RASA3: variants seen among roughly 807,000 people sequenced by gnomAD.
The protein encoded by RASA3 is RAS p21 protein activator 3.
RASA3 carries 73 observed loss-of-function variants against 110.0 expected under a neutral mutation model. The ratio of observed to expected loss-of-function variants is 0.66; its 90% confidence interval spans 0.55 to 0.81. The LOEUF is 0.81. Among genes scored for constraint, RASA3 ranks in the 30% least tolerant of loss-of-function variants. The pLI is 0.00. For missense variants in RASA3, 976 were observed against 1,113.2 expected (o/e 0.88, Z 1.75); for synonymous variants, 500 against 451.4 (o/e 1.11, Z -1.37).
intron 2 of RASA3, among the ~76,000 whole-genome samples, chr13:114,073,383 G>A (rs79345508): frequency 6.8e-6 from 1 of 147,028 alleles, no homozygotes; most frequent in Non-Finnish European, 1.5e-5. Flanking sequence ...TTCCCTACAC[G>A]CGGGAAAATG....
In RASA3 at chr13:114,082,227, G is replaced by A. The variant is rs534257750; in HGVS notation, c.56-8390C>T. Among the ~76,000 whole-genome samples the A allele has an allele frequency of 1.5e-4, 23 of 152,334 alleles. No individual in the cohort carries two copies. In the East Asian group the frequency reaches 3.1e-3, roughly 20 times the overall value. On this transcript the variant is annotated intron_variant, in intron 1 of 23. Transcript: ENST00000334062. Reference sequence around the variant, plus strand: ...CAGGGGCAGGCAGGAGGCCAGAGACGTCCACGTCTGAGACAAAGGACATCA... The same window carrying A: ...CAGGGGCAGGCAGGAGGCCAGAGACATCCACGTCTGAGACAAAGGACATCA...
Position 114,018,751 on chromosome 13 carries a change from G to A in RASA3, c.942+12C>T, listed in dbSNP as rs753899156. 117 of 1,612,510 alleles carry A rather than the reference G, an allele frequency of 7.3e-5. No individual in the cohort carries two copies. The highest frequency in any genetic ancestry group is 1.2e-4 in the Admixed American group (7 of 59,976). On this transcript the variant is annotated intron_variant, in intron 10 of 23. Transcript: ENST00000334062. The stretch of plus-strand genomic sequence containing the variant: ...CCTGCCCACACCCACAGGCCACGGC[G>A]TGGACAAGCACCTCCACATCCGCAG...
At position 114,108,255 on chromosome 13, in the gene RASA3, CTG is replaced by C. The variant is rs1257816868; in HGVS notation, c.55+24178_55+24179del. ...CGTCTGTCACCCCATGTCTGTCACC[CTG>C]CATCCGTCACCCCGTGTCTGTCATC... On this transcript the variant is annotated intron_variant, in intron 1 of 23. Transcript: ENST00000334062. Among the ~76,000 whole-genome samples the C allele has an allele frequency of 2.3e-4, 32 of 140,142 alleles. No individual in the cohort carries two copies. The South Asian group carries it at 6.9e-3, about 30-fold the overall frequency. 91.9% of individuals were successfully genotyped at this position (140,142 alleles called of 152,430 possible).
At chr13:114,098,532 G>A (rs1006259600) in intron 1 of RASA3, among the ~76,000 whole-genome samples, 1 of 152,170 alleles carries the variant, frequency 6.6e-6, no homozygotes, top group Admixed American at 6.5e-5. Context: ...GCAGCCCTGA[G>A]ACCTGGTGGG....
rs34196304 is a variant in RASA3, at chr13:114,083,619, G to C, written c.56-9782C>G. Among the ~76,000 whole-genome samples, 411 of 95,156 alleles carry C rather than the reference G, an allele frequency of 4.3e-3. 9 individuals are homozygous for C. Among genetic ancestry groups the C allele is most frequent in the Admixed American group, 0.034 (301 of 8,808 alleles). 62.4% of individuals were successfully genotyped at this position (95,156 alleles called of 152,430 possible). On this transcript the variant is annotated intron_variant, in intron 1 of 23. Transcript: ENST00000334062. ...CTCGCGGGGAAATCACGGGGAAGTG[G>C]TGAGTCTGGAGTATCGACTCCCTTC...
chr13:114,057,611 C>T lies in RASA3; in HGVS notation c.174-5456G>A. The stretch of plus-strand genomic sequence containing the variant: ...CACAATGACTGTGCACAGAGCCAGC[C>T]TGACACCCAAGGCCACGATGCCATA... On this transcript the variant is annotated intron_variant, in intron 2 of 23. Transcript: ENST00000334062. This position sits in a 1 kb window ranked among gnomAD's most constrained non-coding sequence, Gnocchi z 5.0. The T allele has an allele frequency of 1.3e-6, 1 of 756,568 alleles. No homozygotes were observed. The allele number at this position is 756,568 out of a possible 1,614,324, so 46.9% of individuals were successfully genotyped here.
At chr13:114,009,282 G>T in intron 17 of RASA3, 105 bp downstream of exon 17, 3 of 938,338 alleles carry the variant, frequency 3.2e-6, no homozygotes, top group Non-Finnish European at 5.1e-6. Flanking sequence ...GTTTAAAATC[G>T]CTAATGGCCA....
chr13:114,059,315 G>A (rs1378970901), intron 2 of RASA3, among the ~76,000 whole-genome samples: 1 of 152,236 alleles, frequency 6.6e-6, no homozygotes, highest in Admixed American at 6.5e-5. Context: ...GCCCTGGTAA[G>A]CTTCACAAGG....
intron 23 of RASA3, 67 bp from the exon 24 acceptor site, chr13:113,979,489 G>A (rs1209509982): frequency 1.1e-5 from 15 of 1,318,192 alleles, no homozygotes; most frequent in South Asian, 7.0e-5. Flanking sequence ...CCGTGGCTGC[G>A]GGAGCTTTTC....
At chr13:114,094,055 C>T (rs559827454) in intron 1 of RASA3, among the ~76,000 whole-genome samples, 24 of 152,242 alleles carry the variant, frequency 1.6e-4, no homozygotes, top group Admixed American at 4.6e-4. Flanking sequence ...GCCCGTCTCT[C>T]GCACCTTATT....
chr13:114,087,703 G>A (rs9590427), intron 1 of RASA3, among the ~76,000 whole-genome samples: 56,332 of 152,100 alleles, frequency 0.37, 10,413 homozygotes, highest in Middle Eastern at 0.45. Flanking sequence ...CCAGCAGGGC[G>A]CCCGCCCGAC....
At chr13:114,010,232 C>G (rs2297100) in intron 16 of RASA3, among the ~76,000 whole-genome samples, 1 of 151,918 alleles carries the variant, frequency 6.6e-6, no homozygotes, top group Non-Finnish European at 1.5e-5. Flanking sequence ...GGGGCCTCTG[C>G]TCCCCAAAGC....
chr13:113,980,856 A>T (rs993517398), intron 23 of RASA3, among the ~76,000 whole-genome samples: 2 of 152,090 alleles, frequency 1.3e-5, no homozygotes, highest in Non-Finnish European at 2.9e-5. Context: ...GAAGGAAGGG[A>T]AGGAGGGAGA....
intron 14 of RASA3, among the ~76,000 whole-genome samples, chr13:114,013,916 CTCTCTCCG>C (rs2053721773): frequency 3.3e-5 from 3 of 90,632 alleles, no homozygotes; most frequent in African/African-American, 7.2e-5. Flanking sequence ...CTCTGTCTCT[CTCTCTCCG>C]TCTCTCTCTC....
At position 113,992,461 on chromosome 13, in the gene RASA3, G is replaced by C. The variant is rs150404550; in HGVS notation, c.2245+24C>G. The C allele has an allele frequency of 7.9e-5, 126 of 1,589,966 alleles. No individual in the cohort carries two copies. In the Middle Eastern group the frequency reaches 2.0e-3, roughly 25 times the overall value. On this transcript the variant is annotated intron_variant, in intron 22 of 23. Coordinates refer to ENST00000334062, the MANE Select transcript of RASA3 (RefSeq NM_007368.4). ...TCGCCAGCCATCCCCTCGCTGCACA[G>C]ATCTGTGTGCCGGGCAGACTCACCC...
intron 21 of RASA3, among the ~76,000 whole-genome samples, chr13:113,995,890 G>A (rs1394737024): frequency 3.4e-5 from 2 of 58,224 alleles, no homozygotes; most frequent in Non-Finnish European, 6.3e-5. Flanking sequence ...TGATGGGGAG[G>A]CCCGGCTGAT....
intron 2 of RASA3, among the ~76,000 whole-genome samples, chr13:114,063,902 T>C (rs1211646253): frequency 6.6e-6 from 1 of 152,230 alleles, no homozygotes; most frequent in Non-Finnish European, 1.5e-5. Flanking sequence ...GTCTGGCTCA[T>C]TGGTGAGGTG....
At position 114,013,972 on chromosome 13, in the gene RASA3, G is replaced by A. The variant is rs1214584146; in HGVS notation, c.1406-724C>T. Among the ~76,000 whole-genome samples, 5 of 79,062 alleles carry A rather than the reference G, an allele frequency of 6.3e-5. 1 individual carries two copies. The highest frequency in any genetic ancestry group is 8.9e-4 in the South Asian group (2 of 2,256). 51.9% of individuals were successfully genotyped at this position (79,062 alleles called of 152,430 possible). A position where few individuals can be genotyped will look rare whatever the true frequency, so the allele number is the denominator to read the frequency against. ...TCTCTGTCTCTCTCTCTCTCTCTCC[G>A]TCTCGATCTCTCTCTCCATCTCTCT... On this transcript the variant is annotated intron_variant, in intron 14 of 23. Transcript: ENST00000334062.
intron 1 of RASA3, among the ~76,000 whole-genome samples, chr13:114,097,575 C>A (rs1044596517): frequency 6.6e-6 from 1 of 152,216 alleles, no homozygotes; most frequent in Admixed American, 6.5e-5. Flanking sequence ...ATCTAAACGC[C>A]CTCTGAGTTC....
Sources: allele counts gnomAD v4.1 joint callset (sites outside exome capture counted in the v4.1 genomes callset), GRCh38; gene constraint gnomAD v4.1.1; non-coding constraint Gnocchi (gnomAD v3.1); transcripts MANE v1.5; gene names NCBI Gene and HGNC (gene_info 2026-07-23, HGNC 2026-07-21).